Variants in PDCD2L observed in about 807,000 individuals in gnomAD.
PDCD2L encodes uS5 assembly chaperone PDCD2L.
A neutral mutation model predicts 40.4 loss-of-function variants in PDCD2L; 44 were observed. The ratio of observed to expected loss-of-function variants is 1.09; its 90% CI spans 0.86 to 1.40. The LOEUF (loss-of-function observed/expected upper bound fraction) is 1.40. Among genes scored for constraint, PDCD2L ranks in the 40% most tolerant of loss-of-function variants. PDCD2L has a pLI of 0.00. For missense variants in PDCD2L, 470 were observed against 453.7 expected (o/e 1.04, Z -0.33); for synonymous variants, 194 against 174.6 (o/e 1.11, Z -0.88).
At chr19:34,415,957 G>T (rs2075124745) in intron 5 of PDCD2L, among the ~76,000 whole-genome samples, 2 of 152,120 alleles carry the variant, frequency 1.3e-5, no homozygotes, top group African/African-American at 4.8e-5. Context: ...ATCTGTCTCT[G>T]TCCCCCAGGC....
At position 34,405,171 on chromosome 19, in the gene PDCD2L, G is replaced by C. The variant is rs1209145909; in HGVS notation, c.336+181G>C. ...TTTTTTTTTTTTTTTTTTTGAGACG[G>C]AGTTTCGCTCTGTCGCCCAGGCTGG... On this transcript the variant is annotated intron_variant, in intron 3 of 6. Coordinates refer to ENST00000246535, the MANE Select transcript of PDCD2L (RefSeq NM_032346.2). Among the ~76,000 whole-genome samples the C allele has an allele frequency of 3.0e-5, 4 of 132,762 alleles. No individual in the cohort carries two copies. The Admixed American group carries it at 3.1e-4, about 10-fold the overall frequency. 87.1% of individuals were successfully genotyped at this position (132,762 alleles called of 152,430 possible).
At chr19:34,411,588 T>C (rs1203117826) in intron 4 of PDCD2L, among the ~76,000 whole-genome samples, 1 of 152,028 alleles carries the variant, frequency 6.6e-6, no homozygotes, top group African/African-American at 2.4e-5. Context: ...CCTCAGGGGA[T>C]CCTCTGGCCT....
chr19:34,420,792 A>G (rs1281464124), intron 5 of PDCD2L, among the ~76,000 whole-genome samples: 1 of 9,396 alleles, frequency 1.1e-4, no homozygotes, highest in Non-Finnish European at 1.1e-3. Context: ...GCTTTATCTA[A>G]AAAAAAAAAA....
chr19:34,407,160 T>A (rs1024946082), intron 3 of PDCD2L, among the ~76,000 whole-genome samples: 1 of 148,848 alleles, frequency 6.7e-6, no homozygotes, highest in Non-Finnish European at 1.5e-5. Context: ...TTTTTTTCTT[T>A]GAGATGGAGT....
chr19:34,413,927 A>G (rs920351826), intron 5 of PDCD2L, 80 bp downstream of exon 5: 2 of 928,100 alleles, frequency 2.2e-6, no homozygotes. Flanking sequence ...ACAGGAAAAT[A>G]TGAGAAAAGC....
intron 6 of PDCD2L, among the ~76,000 whole-genome samples, chr19:34,423,734 C>A (rs2075163607): frequency 6.6e-6 from 1 of 151,996 alleles, no homozygotes; most frequent in East Asian, 1.9e-4. Flanking sequence ...AGTGATCCGT[C>A]CACCTCGACC....
chr19:34,414,043 A>T (rs2075116238), intron 5 of PDCD2L, among the ~76,000 whole-genome samples, 196 bp downstream of exon 5: 1 of 152,122 alleles, frequency 6.6e-6, no homozygotes, highest in Non-Finnish European at 1.5e-5. Context: ...GGTAAAGTGC[A>T]CTCACTTGTC....
chr19:34,422,491 A>G (rs1269155513), intron 6 of PDCD2L, among the ~76,000 whole-genome samples: 1 of 152,008 alleles, frequency 6.6e-6, no homozygotes, highest in Non-Finnish European at 1.5e-5. Context: ...ATGCCTGGCC[A>G]GAAATTAAAA....
Position 34,404,646 on chromosome 19 carries a change from C to A in PDCD2L, c.109-3C>A. On this transcript the variant is annotated splice_polypyrimidine_tract_variant and splice_region_variant and intron_variant, in intron 1 of 6. Coordinates refer to ENST00000246535, the MANE Select transcript of PDCD2L (RefSeq NM_032346.2). Reference sequence around the variant, plus strand: ...GGTCTGAGCGCCTCCTCTGTCCCCTCAGGATGCTCTGCCCACCGTGGCTGC... The same window carrying A: ...GGTCTGAGCGCCTCCTCTGTCCCCTAAGGATGCTCTGCCCACCGTGGCTGC... The A allele has an allele frequency of 6.2e-7, 1 of 1,610,134 alleles. No individual in the cohort carries two copies.
At position 34,420,626 on chromosome 19, in the gene PDCD2L, A is replaced by G. The variant is rs566551843; in HGVS notation, c.798-893A>G. 2.0e-5 allele frequency among the ~76,000 whole-genome samples: 3 copies of G among 151,674 alleles called. No individual in the cohort carries two copies. The East Asian group carries it at 5.8e-4, about 30-fold the overall frequency. On this transcript the variant is annotated intron_variant, in intron 5 of 6. Coordinates refer to ENST00000246535, the MANE Select transcript of PDCD2L (RefSeq NM_032346.2). ...ATTATAGCAAGACCCTGTCTCTACA[A>G]ATTTTTTTTTTAAAAACTAGCTGGG...
At position 34,404,636 on chromosome 19, in the gene PDCD2L, T is replaced by C; in HGVS notation, c.109-13T>C. 1.2e-6 allele frequency: 2 copies of C among 1,608,632 alleles called. No individual in the cohort carries two copies. The highest frequency in any genetic ancestry group is 1.7e-6 in the Non-Finnish European group (2 of 1,178,816). On this transcript the variant is annotated splice_polypyrimidine_tract_variant and intron_variant, in intron 1 of 6. Coordinates refer to ENST00000246535, the MANE Select transcript of PDCD2L (RefSeq NM_032346.2). ...GGGGAGTCGGGGTCTGAGCGCCTCCTCTGTCCCCTCAGGATGCTCTGCCCA... is the reference window on the plus strand; with the variant it reads ...GGGGAGTCGGGGTCTGAGCGCCTCCCCTGTCCCCTCAGGATGCTCTGCCCA...
chr19:34,417,068 C>T (rs748566006), intron 5 of PDCD2L, among the ~76,000 whole-genome samples: 11 of 151,692 alleles, frequency 7.3e-5, no homozygotes, highest in East Asian at 3.9e-4. Flanking sequence ...CAGCCGAGAT[C>T]GTGCCACTGC....
chr19:34,412,703 G>A (rs1005144972), intron 4 of PDCD2L, among the ~76,000 whole-genome samples: 1 of 149,150 alleles, frequency 6.7e-6, no homozygotes, highest in African/African-American at 2.5e-5. Flanking sequence ...GGGTGACAGA[G>A]GGAGACTCCC....
At chr19:34,410,814 T>C (rs903578384) in intron 4 of PDCD2L, among the ~76,000 whole-genome samples, 9 of 141,720 alleles carry the variant, frequency 6.4e-5, no homozygotes, top group Non-Finnish European at 1.3e-4. Context: ...GTGTGTGATA[T>C]GGGCTCTCTT....
intron 3 of PDCD2L, among the ~76,000 whole-genome samples, chr19:34,405,438 G>T (rs1043773989): frequency 6.6e-6 from 1 of 151,132 alleles, no homozygotes. Context: ...GAGCCACCGC[G>T]CCCGGCCTTT....
At chr19:34,415,805 T>C (rs1316678991) in intron 5 of PDCD2L, among the ~76,000 whole-genome samples, 3 of 152,236 alleles carry the variant, frequency 2.0e-5, no homozygotes. Flanking sequence ...TATTCACTTA[T>C]GTAACTAAGT....
intron 4 of PDCD2L, among the ~76,000 whole-genome samples, chr19:34,411,162 C>CTTTTT (rs766712244): frequency 4.9e-5 from 3 of 61,770 alleles, no homozygotes; most frequent in Non-Finnish European, 7.0e-5. Flanking sequence ...GAGTATTCTT[C>CTTTTT]TTTTTTTTTT....
At chr19:34,414,396 C>T (rs1296089816) in intron 5 of PDCD2L, among the ~76,000 whole-genome samples, 3 of 147,908 alleles carry the variant, frequency 2.0e-5, no homozygotes, top group African/African-American at 7.5e-5. Flanking sequence ...AGACTGGTCT[C>T]GAACTGCTGG....
At chr19:34,421,734 TTTTG>T in intron 6 of PDCD2L, 67 bp downstream of exon 6, 2 of 1,496,682 alleles carry the variant, frequency 1.3e-6, no homozygotes, top group Non-Finnish European at 1.8e-6. Context: ...ATGAAAAACC[TTTTG>T]TTTACTTATA....
Sources: gnomAD v4.1 joint callset for allele counts (sites outside exome capture counted in the v4.1 genomes callset) on GRCh38, gnomAD v4.1.1 for gene constraint, MANE v1.5 for transcripts, NCBI Gene and HGNC (gene_info 2026-07-23, HGNC 2026-07-21) for gene names.